Variants in ROBO2 observed in about 807,000 individuals in gnomAD.
ROBO2 encodes roundabout homolog 2.
In ROBO2, 53 loss-of-function variants were observed where a neutral mutation model predicts 160.8. That is an observed-to-expected ratio of 0.33 (90% CI 0.26 to 0.41). ROBO2 has a LOEUF of 0.41. ROBO2 is among the 10% of genes least tolerant of loss of function. ROBO2 has a pLI of 1.00. For missense variants in ROBO2, 1,577 were observed against 1,722.4 expected (o/e 0.92, Z 1.49); for synonymous variants, 664 against 611.7 (o/e 1.09, Z -1.26).
At chr3:76,927,110 A>C (rs1242094671) in intron 2 of ROBO2, among the ~76,000 whole-genome samples, 2 of 152,148 alleles carry the variant, frequency 1.3e-5, no homozygotes, top group Admixed American at 6.5e-5. Flanking sequence ...TGTTATTTAT[A>C]ATCTTTTTCT....
rs1384040773 is a variant in ROBO2, at chr3:76,567,825, G to T, written c.110-530189G>T. 9.0e-4 allele frequency among the ~76,000 whole-genome samples: 114 copies of T among 126,996 alleles called. 2 individuals carry two copies. The highest frequency in any genetic ancestry group is 1.6e-3 in the Non-Finnish European group (99 of 60,238). The allele number at this position is 126,996 out of a possible 152,430, so 83.3% of individuals were successfully genotyped here. A position where few individuals can be genotyped will look rare whatever the true frequency, so the allele number is the denominator to read the frequency against. ...TATATATATTTTTTTTTTTTTTTTG[G>T]GGGGGGTTGGACAGAGTCTTGCTCT... On this transcript the variant is annotated intron_variant, in intron 2 of 26. Coordinates refer to the ROBO2 transcript ENST00000487694.
At chr3:76,931,946 G>T (rs2077372543) in intron 2 of ROBO2, among the ~76,000 whole-genome samples, 1 of 152,164 alleles carries the variant, frequency 6.6e-6, no homozygotes, top group African/African-American at 2.4e-5. Flanking sequence ...CTCCCAAAGT[G>T]CTGGGATTAC....
At chr3:77,279,581 G>T (rs1469068621) in intron 2 of ROBO2, among the ~76,000 whole-genome samples, 2 of 151,988 alleles carry the variant, frequency 1.3e-5, no homozygotes, top group African/African-American at 4.8e-5. Context: ...TTTCTGTTGT[G>T]GTTGTTGTTT....
chr3:75,981,355 T>C (rs2065268508), intron 2 of ROBO2, among the ~76,000 whole-genome samples: 1 of 151,442 alleles, frequency 6.6e-6, no homozygotes, highest in South Asian at 2.1e-4. Context: ...ATCTACATCA[T>C]AGGGTTGTGG....
At chr3:76,036,011 T>C (rs997876027) in intron 2 of ROBO2, among the ~76,000 whole-genome samples, 1 of 151,984 alleles carries the variant, frequency 6.6e-6, no homozygotes, top group Non-Finnish European at 1.5e-5. Context: ...TTAACTTACA[T>C]TTCTAAAGCT....
intron 2 of ROBO2, among the ~76,000 whole-genome samples, chr3:76,476,574 A>G (rs2078941582): frequency 6.6e-6 from 1 of 152,136 alleles, no homozygotes; most frequent in Admixed American, 6.6e-5. Flanking sequence ...TATGGATAAA[A>G]TTTAGTCACT....
At chr3:77,360,422 T>A (rs2069787412) in intron 2 of ROBO2, among the ~76,000 whole-genome samples, 1 of 152,196 alleles carries the variant, frequency 6.6e-6, no homozygotes, top group Non-Finnish European at 1.5e-5. Flanking sequence ...TAGGTAAAAA[T>A]AAATCCATCG....
chr3:76,189,222 T>A (rs1701898255), intron 2 of ROBO2, among the ~76,000 whole-genome samples: 1 of 152,068 alleles, frequency 6.6e-6, no homozygotes, highest in Non-Finnish European at 1.5e-5. Flanking sequence ...ATATGAAGGC[T>A]ATGTTTCTGG....
chr3:76,279,855 T>G (rs560783206), intron 2 of ROBO2, among the ~76,000 whole-genome samples: 2 of 152,110 alleles, frequency 1.3e-5, no homozygotes, highest in East Asian at 3.9e-4. Flanking sequence ...GCATCCTTAC[T>G]TCTCTCTTCT....
Position 76,555,406 on chromosome 3 carries a change from A to G in ROBO2, c.110-542608A>G, listed in dbSNP as rs1560141239. Among the ~76,000 whole-genome samples, 179 of 72,732 alleles carry G rather than the reference A, an allele frequency of 2.5e-3. 1 individual carries two copies. The highest frequency in any genetic ancestry group is 5.1e-3 in the African/African-American group (174 of 33,904). The allele number at this position is 72,732 out of a possible 152,430, so 47.7% of individuals were successfully genotyped here. On this transcript the variant is annotated intron_variant, in intron 2 of 26. Coordinates refer to the ROBO2 transcript ENST00000487694. ...GAAGAAGAAGAAGAAGAAGAAGAAG[A>G]AGAAGAAGAAGAAAGAAGGAGAAGG...
intron 2 of ROBO2, among the ~76,000 whole-genome samples, chr3:76,285,562 T>A (rs1004244951): frequency 3.9e-5 from 6 of 152,188 alleles, no homozygotes; most frequent in African/African-American, 1.4e-4. Context: ...AAGCAGGCCA[T>A]GTTCATATTT....
chr3:76,978,821 A>G (rs2059936727), intron 2 of ROBO2, among the ~76,000 whole-genome samples: 1 of 152,046 alleles, frequency 6.6e-6, no homozygotes, highest in African/African-American at 2.4e-5. Context: ...AAGCAAAGAC[A>G]GAGAAGATAT....
At chr3:76,373,680 G>A (rs1438990367) in intron 2 of ROBO2, among the ~76,000 whole-genome samples, 1 of 151,944 alleles carries the variant, frequency 6.6e-6, no homozygotes, top group South Asian at 2.1e-4. Flanking sequence ...CAACAGTATA[G>A]TCATTGAATG....
At chr3:76,892,117 A>T (rs932224383) in intron 2 of ROBO2, among the ~76,000 whole-genome samples, 1 of 151,040 alleles carries the variant, frequency 6.6e-6, no homozygotes, top group African/African-American at 2.5e-5. Context: ...AACACTGCAA[A>T]TACTGGCATA....
chr3:76,983,308 A>G (rs897277752), intron 2 of ROBO2, among the ~76,000 whole-genome samples: 9 of 152,266 alleles, frequency 5.9e-5, no homozygotes, highest in Non-Finnish European at 1.2e-4. Context: ...TATAAAGTGT[A>G]CATATTTAAT....
At chr3:77,318,828 TA>T (rs1415539548) in intron 2 of ROBO2, among the ~76,000 whole-genome samples, 1 of 152,190 alleles carries the variant, frequency 6.6e-6, no homozygotes, top group Non-Finnish European at 1.5e-5. Context: ...ATTGAGAAAT[TA>T]AAGATGGTTG....
In ROBO2 at chr3:76,273,318, A is replaced by C. The variant is rs1034476360; in HGVS notation, c.109+335716A>C. On this transcript the variant is annotated intron_variant, in intron 2 of 26. Transcript: ENST00000487694. ...CGAGGCAATTATGCTTAGAATAATA[A>C]GATTTTGACTCTCAGGAGTAGGTCA... Among the ~76,000 whole-genome samples the C allele has an allele frequency of 2.0e-5, 3 of 151,306 alleles. No individual in the cohort carries two copies. In the Admixed American group the frequency reaches 2.0e-4, roughly 10 times the overall value.
At chr3:77,608,231 G>T (rs2094563218) in intron 21 of ROBO2, among the ~76,000 whole-genome samples, 2 of 152,184 alleles carry the variant, frequency 1.3e-5, no homozygotes. Flanking sequence ...TTGCTTGTTA[G>T]TTTGAAAGCA....
rs182019416 is a variant in ROBO2 at position 76,526,628 on chromosome 3, C to T, written c.110-571386C>T. On this transcript the variant is annotated intron_variant, in intron 2 of 26. Coordinates refer to the ROBO2 transcript ENST00000487694. ...ATCATATTATATATTCAGTTTGGTT[C>T]TTCTATCTATAGGTTAATTTTCTCT... is the stretch of plus-strand genomic sequence containing the variant. 1.1e-4 allele frequency among the ~76,000 whole-genome samples: 17 copies of T among 151,876 alleles called. No individual in the cohort carries two copies. In the East Asian group the frequency reaches 3.3e-3, roughly 29 times the overall value.
Sources: gnomAD v4.1 joint callset for allele counts (sites outside exome capture counted in the v4.1 genomes callset) on GRCh38, gnomAD v4.1.1 for gene constraint, MANE v1.5 for transcripts, NCBI Gene and HGNC (gene_info 2026-07-23, HGNC 2026-07-21) for gene names.